The following FAM168B variants were observed in gnomAD, a reference collection of about 807,000 sequenced individuals.
FAM168B encodes the protein myelin-associated neurite-outgrowth inhibitor.
FAM168B carries 19 observed loss-of-function variants against 21.8 expected under a neutral mutation model. The ratio of observed to expected loss-of-function variants is 0.87; its 90% CI spans 0.61 to 1.28. The LOEUF (loss-of-function observed/expected upper bound fraction) is 1.28, where lower values mean the gene tolerates loss of function less well. FAM168B is among the 50% of genes most tolerant of loss of function. The pLI is 0.00. For missense variants in FAM168B, 233 were observed against 263.1 expected (o/e 0.89, Z 0.79); for synonymous variants, 126 against 104.8 (o/e 1.20, Z -1.24).
chr2:131,052,433 G>A lies in FAM168B; in HGVS notation c.*32C>T. 1.0e-6 allele frequency: 1 copy of A among 994,506 alleles called. No individual in the cohort carries two copies. The highest frequency in any genetic ancestry group is 1.2e-6 in the Non-Finnish European group (1 of 834,748). 61.6% of individuals were successfully genotyped at this position (994,506 alleles called of 1,614,324 possible). On this transcript the variant is annotated 3_prime_UTR_variant, in exon 7 of 7. Transcript: ENST00000389915. Reference sequence around the variant, plus strand: ...CTGTGGAATCCCCAATAATGTGACTGCACAGCTCCGTCCTCAAACCTGCAG... The same window carrying A: ...CTGTGGAATCCCCAATAATGTGACTACACAGCTCCGTCCTCAAACCTGCAG...
chr2:131,049,388 T>G lies in FAM168B; in HGVS notation c.*3077A>C, dbSNP rs1691508733. 7.1e-6 allele frequency: 7 copies of G among 985,300 alleles called. No individual in the cohort carries two copies. Among genetic ancestry groups the G allele is most frequent in the Non-Finnish European group, 8.4e-6 (7 of 829,978 alleles). The allele number at this position is 985,300 out of a possible 1,614,324, so 61.0% of individuals were successfully genotyped here. A position where few individuals can be genotyped will look rare whatever the true frequency, so the allele number is the denominator to read the frequency against. On this transcript the variant is annotated 3_prime_UTR_variant, in exon 7 of 7. Transcript: ENST00000389915. Reference sequence around the variant, plus strand: ...GAAGGTTTCCCAGAATAGCGACAGGTAGGCCTACAAACCACACCAAGAAGA... The same window carrying G: ...GAAGGTTTCCCAGAATAGCGACAGGGAGGCCTACAAACCACACCAAGAAGA...
intron 2 of FAM168B, among the ~76,000 whole-genome samples, chr2:131,078,372 T>G (rs1031555083): frequency 2.0e-5 from 3 of 152,192 alleles, no homozygotes; most frequent in African/African-American, 7.2e-5. Flanking sequence ...CAGTATAAAC[T>G]ATCTGTATTA....
chr2:131,089,738 A>G (rs1693910880), intron 1 of FAM168B, among the ~76,000 whole-genome samples: 1 of 150,482 alleles, frequency 6.6e-6, no homozygotes, highest in African/African-American at 2.5e-5. Flanking sequence ...AAAAGAAAGA[A>G]AAAAGAAAGA....
At chr2:131,060,106 A>G (rs1692219725) in intron 3 of FAM168B, among the ~76,000 whole-genome samples, 1 of 151,898 alleles carries the variant, frequency 6.6e-6, no homozygotes, top group Non-Finnish European at 1.5e-5. Context: ...GCTCACTGCA[A>G]CCTCCACCTC....
At chr2:131,057,036 T>G (rs1692062023) in intron 3 of FAM168B, among the ~76,000 whole-genome samples, 1 of 152,156 alleles carries the variant, frequency 6.6e-6, no homozygotes, top group African/African-American at 2.4e-5. Context: ...TTATAATATG[T>G]AAATCAGACC....
chr2:131,057,307 A>G (rs1292084973), intron 3 of FAM168B, among the ~76,000 whole-genome samples: 1 of 152,248 alleles, frequency 6.6e-6, no homozygotes, highest in Non-Finnish European at 1.5e-5. Context: ...GAAAGGATAA[A>G]TCATGATATG....
At chr2:131,074,793 C>T (rs141239589) in intron 2 of FAM168B, among the ~76,000 whole-genome samples, 140 of 152,236 alleles carry the variant, frequency 9.2e-4, no homozygotes, top group South Asian at 2.3e-3. Flanking sequence ...CTGAATACAG[C>T]TCCTCACGTG....
chr2:131,054,671 G>T (rs757526325), intron 5 of FAM168B, among the ~76,000 whole-genome samples: 10 of 152,164 alleles, frequency 6.6e-5, no homozygotes, highest in Admixed American at 2.0e-4. Flanking sequence ...ATACAGATTG[G>T]GTGGTCACCC....
At chr2:131,079,123 G>C (rs543989805) in intron 2 of FAM168B, among the ~76,000 whole-genome samples, 14 of 152,204 alleles carry the variant, frequency 9.2e-5, no homozygotes, top group Admixed American at 8.5e-4. Flanking sequence ...TTGAGATGAG[G>C]TCATTCTGGA....
At chr2:131,060,466 C>T (rs1692237133) in intron 3 of FAM168B, among the ~76,000 whole-genome samples, 1 of 152,180 alleles carries the variant, frequency 6.6e-6, no homozygotes, top group Non-Finnish European at 1.5e-5. Flanking sequence ...ACAAGGAAGA[C>T]TGCTACAGAT....
chr2:131,053,906 T>C (rs904428673), intron 5 of FAM168B, among the ~76,000 whole-genome samples: 2 of 148,180 alleles, frequency 1.3e-5, no homozygotes, highest in Non-Finnish European at 3.0e-5. Flanking sequence ...TAAAAACAAA[T>C]AAATAAAAAA....
chr2:131,048,081 G>T lies in FAM168B; in HGVS notation c.*4384C>A. On this transcript the variant is annotated 3_prime_UTR_variant, in exon 7 of 7. Coordinates refer to ENST00000389915, the MANE Select transcript of FAM168B (RefSeq NM_001009993.4). ...CATGGATACGTAAGTTCAATGCAGAGGTGAGGGATGCCTTTAACACTGGAA... is the reference window on the plus strand; with the variant it reads ...CATGGATACGTAAGTTCAATGCAGATGTGAGGGATGCCTTTAACACTGGAA... 1.2e-6 allele frequency: 1 copy of T among 807,452 alleles called. No individual in the cohort carries two copies. Among genetic ancestry groups the T allele is most frequent in the Non-Finnish European group, 1.7e-6 (1 of 595,078 alleles). The allele number at this position is 807,452 out of a possible 1,614,324, so 50.0% of individuals were successfully genotyped here. A position where few individuals can be genotyped will look rare whatever the true frequency, so the allele number is the denominator to read the frequency against.
intron 1 of FAM168B, among the ~76,000 whole-genome samples, chr2:131,090,946 G>A (rs1693986289): frequency 6.6e-6 from 1 of 152,190 alleles, no homozygotes; most frequent in South Asian, 2.1e-4. Context: ...TATCCAGGAT[G>A]GTTTTGATCA....
chr2:131,051,659 T>C lies in FAM168B; in HGVS notation c.*806A>G. 1.0e-6 allele frequency: 1 copy of C among 985,366 alleles called. No homozygotes were observed. Among genetic ancestry groups the C allele is most frequent in the Non-Finnish European group, 1.2e-6 (1 of 829,900 alleles). The allele number at this position is 985,366 out of a possible 1,614,324, so 61.0% of individuals were successfully genotyped here. Reference sequence around the variant, plus strand: ...CATCATCTCTCTAAGAGAACTGTAATGAAAATTTAGATAGCAGAGAAACTG... The same window carrying C: ...CATCATCTCTCTAAGAGAACTGTAACGAAAATTTAGATAGCAGAGAAACTG... On this transcript the variant is annotated 3_prime_UTR_variant, in exon 7 of 7. Coordinates refer to ENST00000389915, the MANE Select transcript of FAM168B (RefSeq NM_001009993.4).
At chr2:131,080,267 A>T (rs1377402677) in intron 2 of FAM168B, among the ~76,000 whole-genome samples, 3 of 152,120 alleles carry the variant, frequency 2.0e-5, no homozygotes, top group African/African-American at 7.2e-5. Context: ...TTAAAACAGT[A>T]ACGTCTTTTT....
intron 5 of FAM168B, among the ~76,000 whole-genome samples, 165 bp from the exon 6 acceptor site, chr2:131,053,180 C>A (rs981040690): frequency 6.6e-6 from 1 of 152,164 alleles, no homozygotes; most frequent in Non-Finnish European, 1.5e-5. Flanking sequence ...TCCCCCACAC[C>A]CAAAAGTTGT....
chr2:131,090,974 C>A (rs1032716802), intron 1 of FAM168B, among the ~76,000 whole-genome samples: 1 of 152,206 alleles, frequency 6.6e-6, no homozygotes, highest in Admixed American at 6.5e-5. Context: ...TCGTGATATG[C>A]CAGCCTCAGC....
At position 131,049,610 on chromosome 2, in the gene FAM168B, C is replaced by T; in HGVS notation, c.*2855G>A. ...AGAGAAACTGCAGCGGCTGAACACA[C>T]TCCCCAAGCCTCAGGGGAGAAGGTG... On this transcript the variant is annotated 3_prime_UTR_variant, in exon 7 of 7. Transcript: ENST00000389915. The T allele has an allele frequency of 1.0e-6, 1 of 985,530 alleles. No homozygotes were observed. Among genetic ancestry groups the T allele is most frequent in the Non-Finnish European group, 1.2e-6 (1 of 829,950 alleles). The allele number at this position is 985,530 out of a possible 1,614,324, so 61.0% of individuals were successfully genotyped here.
chr2:131,054,881 A>G (rs187953193), intron 5 of FAM168B, among the ~76,000 whole-genome samples: 2 of 152,338 alleles, frequency 1.3e-5, no homozygotes, highest in East Asian at 3.9e-4. Flanking sequence ...GCATGAAAAC[A>G]TCCCGATGAA....
Sources: allele counts gnomAD v4.1 joint callset (sites outside exome capture counted in the v4.1 genomes callset), GRCh38; gene constraint gnomAD v4.1.1; transcripts MANE v1.5; gene names NCBI Gene and HGNC (gene_info 2026-07-23, HGNC 2026-07-21).